The following SPATA1 variants were observed in gnomAD, a reference collection of about 807,000 sequenced individuals.
The protein encoded by SPATA1 is spermatogenesis-associated protein 1.
In SPATA1, 57 loss-of-function variants were observed where a neutral mutation model predicts 59.6. The observed-to-expected ratio is 0.96, with a 90% CI of 0.77 to 1.19. The LOEUF (loss-of-function observed/expected upper bound fraction) is 1.19, where lower values mean the gene tolerates loss of function less well. Among genes scored for constraint, SPATA1 ranks in the 50% most tolerant of loss-of-function variants. The pLI is 0.00. For synonymous variants in SPATA1, 147 were observed against 163.9 expected (o/e 0.90, Z 0.79); for missense variants, 448 against 480.7 (o/e 0.93, Z 0.64).
intron 9 of SPATA1, among the ~76,000 whole-genome samples, 194 bp downstream of exon 9, chr1:84,544,498 A>G (rs142691321): frequency 3.7e-4 from 56 of 152,278 alleles, no homozygotes; most frequent in African/African-American, 1.3e-3. Flanking sequence ...AATATTTTAA[A>G]TGGTACAGTT....
intron 6 of SPATA1, among the ~76,000 whole-genome samples, chr1:84,529,153 A>G (rs1013073040): frequency 1.3e-5 from 2 of 152,102 alleles, no homozygotes; most frequent in Non-Finnish European, 2.9e-5. Context: ...GTGAGGTTCA[A>G]AATTGGATAT....
At chr1:84,556,091 C>T (rs529240552), downstream of SPATA1, 1 of 152,078 alleles carries the variant, frequency 6.6e-6, no homozygotes, top group Non-Finnish European at 1.5e-5. Context: ...TGATTATGAG[C>T]CATAAATTAG....
intron 8 of SPATA1, among the ~76,000 whole-genome samples, chr1:84,536,852 G>A (rs1293935220): frequency 6.6e-6 from 1 of 150,776 alleles, no homozygotes; most frequent in Non-Finnish European, 1.5e-5. Flanking sequence ...ATGAAGATAG[G>A]ACTATACTTG....
chr1:84,563,731 C>A, intron 4 of SPATA1: 1 of 1,544,364 alleles, frequency 6.5e-7, no homozygotes, highest in South Asian at 1.2e-5. Flanking sequence ...ATGACTGTTC[C>A]TACCTCAGAC....
intron 6 of SPATA1, among the ~76,000 whole-genome samples, chr1:84,530,903 C>T (rs879530452): frequency 1.6e-4 from 25 of 152,176 alleles, no homozygotes; most frequent in Admixed American, 3.3e-4. Context: ...GCTTAAATTC[C>T]TCCTACTCCC....
chr1:84,518,962 A>T (rs889920780), intron 2 of SPATA1, among the ~76,000 whole-genome samples: 1 of 151,962 alleles, frequency 6.6e-6, no homozygotes, highest in African/African-American at 2.4e-5. Flanking sequence ...TTTAATTTTT[A>T]AAAAATTTTA....
intron 8 of SPATA1, among the ~76,000 whole-genome samples, chr1:84,542,124 C>T (rs1348580310): frequency 3.3e-5 from 5 of 152,004 alleles, no homozygotes; most frequent in Non-Finnish European, 5.9e-5. Context: ...ACACCACACC[C>T]GACTAAGTTT....
chr1:84,552,415 T>TTTG (rs1684301889), intron 12 of SPATA1: 1 of 152,196 alleles, frequency 6.6e-6, no homozygotes, highest in Non-Finnish European at 1.5e-5. Flanking sequence ...AGGGCTCTGG[T>TTTG]ACCAGGTGGT....
At chr1:84,527,626 T>C (rs762111291) in intron 6 of SPATA1, 3 of 151,408 alleles carry the variant, frequency 2.0e-5, no homozygotes, top group Admixed American at 1.3e-4. Context: ...AAACATTTCA[T>C]ATTAATAAAT....
exon 10 of SPATA1, chr1:84,545,716 G>C: frequency 6.5e-7 from 1 of 1,534,464 alleles, no homozygotes; most frequent in Non-Finnish European, 8.7e-7. Context: ...TAGTAAAAAC[G>C]GTTGAAAAGC....
chr1:84,549,306 A>G (rs17111283), intron 11 of SPATA1, among the ~76,000 whole-genome samples: 9,239 of 152,210 alleles, frequency 0.061, 451 homozygotes, highest in African/African-American at 0.13. Flanking sequence ...TGGAATATAT[A>G]AATCTTTCCC....
Position 84,533,097 on chromosome 1 carries a change from A to C in SPATA1, c.659+123A>C, listed in dbSNP as rs145994741. On this transcript the variant is annotated intron_variant, in intron 7 of 12. Transcript: ENST00000490879. ...ATATGAGTGAAATTAGTGATATTTT[A>C]ATTAAAATTACCTTGATTCAGATCT... 8.4e-5 allele frequency: 52 copies of C among 617,130 alleles called. No individual in the cohort carries two copies. In the Middle Eastern group the frequency reaches 1.9e-3, roughly 22 times the overall value. The allele number at this position is 617,130 out of a possible 1,614,324, so 38.2% of individuals were successfully genotyped here.
intron 2 of SPATA1, among the ~76,000 whole-genome samples, chr1:84,518,579 T>C (rs752437693): frequency 3.3e-5 from 5 of 152,110 alleles, no homozygotes; most frequent in South Asian, 2.1e-4. Context: ...TCCCATTTTG[T>C]AGGTGAAAAT....
intron 1 of SPATA1, among the ~76,000 whole-genome samples, chr1:84,515,124 A>G (rs891484411): frequency 4.6e-5 from 7 of 152,222 alleles, no homozygotes; most frequent in African/African-American, 7.2e-5. Flanking sequence ...TTATCTAATA[A>G]TGAAGTGACC....
chr1:84,560,291 T>C (rs1684566416), intron 4 of SPATA1, among the ~76,000 whole-genome samples: 1 of 151,974 alleles, frequency 6.6e-6, no homozygotes, highest in Non-Finnish European at 1.5e-5. Flanking sequence ...ATAAAGAAAT[T>C]AAGACCCTCA....
At chr1:84,510,221 C>T (rs1473241899) in intron 1 of SPATA1, among the ~76,000 whole-genome samples, 1 of 152,022 alleles carries the variant, frequency 6.6e-6, no homozygotes, top group Non-Finnish European at 1.5e-5. Context: ...AGTGAAGAGA[C>T]AACTCACAGA....
At chr1:84,566,064 A>G in exon 5 of SPATA1, 2 of 1,168,940 alleles carry the variant, frequency 1.7e-6, no homozygotes, top group Admixed American at 3.0e-5. Flanking sequence ...TGTGCATATT[A>G]CGTCAGATTT....
chr1:84,541,367 T>C (rs973182824), intron 8 of SPATA1, among the ~76,000 whole-genome samples: 2 of 152,158 alleles, frequency 1.3e-5, no homozygotes, highest in Non-Finnish European at 2.9e-5. Flanking sequence ...AGATCTTCTT[T>C]ACCTTTATAT....
intron 6 of SPATA1, among the ~76,000 whole-genome samples, chr1:84,528,742 C>T (rs183820580): frequency 1.2e-4 from 18 of 152,260 alleles, no homozygotes; most frequent in African/African-American, 4.3e-4. Flanking sequence ...TGTTCATGTT[C>T]ACGTACATGT....
Sources: gnomAD v4.1 joint callset for allele counts (sites outside exome capture counted in the v4.1 genomes callset) on GRCh38, gnomAD v4.1.1 for gene constraint, MANE v1.5 for transcripts, NCBI Gene and HGNC (gene_info 2026-07-23, HGNC 2026-07-21) for gene names.